The following SPTLC1 variants were observed in gnomAD, a reference collection of about 807,000 sequenced individuals.
SPTLC1 encodes the protein serine palmitoyltransferase long chain base subunit 1.
SPTLC1 carries 55 observed loss-of-function variants against 68.9 expected under a neutral mutation model. That is an observed-to-expected ratio of 0.80 (90% CI 0.64 to 1.00). The LOEUF (loss-of-function observed/expected upper bound fraction) is 1.00, where lower values mean the gene tolerates loss of function less well. Ranked by LOEUF, SPTLC1 falls within the 50% of genes least tolerant of loss-of-function variation. SPTLC1 has a pLI of 0.00. For synonymous variants in SPTLC1, 197 were observed against 201.6 expected (o/e 0.98, Z 0.19); for missense variants, 449 against 573.1 (o/e 0.78, Z 2.21).
chr9:92,113,950 AGTT>A (rs1287230403), intron 1 of SPTLC1, among the ~76,000 whole-genome samples: 1 of 152,186 alleles, frequency 6.6e-6, no homozygotes, highest in East Asian at 1.9e-4. Context: ...ACAGTCACTA[AGTT>A]ACACGTGGCT....
chr9:92,099,396 G>A lies in SPTLC1; in HGVS notation c.260+9344C>T, dbSNP rs531638910. 2.4e-4 allele frequency among the ~76,000 whole-genome samples: 37 copies of A among 152,106 alleles called. No individual in the cohort carries two copies. In the South Asian group the frequency reaches 7.1e-3, roughly 29 times the overall value. ...CTACAATTAATGGATATACAGTCGC[G>A]TGCCATTTAACATCTCAATTGACAA... On this transcript the variant is annotated intron_variant, in intron 3 of 14. Coordinates refer to ENST00000262554, the MANE Select transcript of SPTLC1 (RefSeq NM_006415.4).
intron 13 of SPTLC1, among the ~76,000 whole-genome samples, chr9:92,037,909 G>T (rs1161178564): frequency 2.0e-5 from 3 of 152,148 alleles, no homozygotes; most frequent in Non-Finnish European, 4.4e-5. Flanking sequence ...AGGAAAGCCT[G>T]GCTTTGTAAA....
intron 3 of SPTLC1, among the ~76,000 whole-genome samples, chr9:92,094,213 C>T (rs2895201): frequency 0.53 from 80,792 of 152,066 alleles, 24,683 homozygotes; most frequent in African/African-American, 0.85. Flanking sequence ...ATACCAAAGA[C>T]AAAGTTAACA....
chr9:92,047,228 G>C lies in SPTLC1; in HGVS notation c.1025C>G (p.Pro342Arg). 6.2e-7 allele frequency: 1 copy of C among 1,614,092 alleles called. No homozygotes were observed. The highest frequency in any genetic ancestry group is 8.5e-7 in the Non-Finnish European group (1 of 1,179,994). ...AATTGCTGCAGCAGCTAACAGGGGA[G>C]GTAACGAAGCTGAAAAGCAGTATCC... ...GQGYCFSASL[P>R]PLLAAAAIEA... The change falls in exon 11 of 15, where the codon CCT (proline) becomes CGT (arginine). Residue 342 changes from proline to arginine, a missense_variant. By Grantham distance (103) the Pro-to-Arg change is moderately radical (BLOSUM62 -2). This residue lies in a region of SPTLC1 where 391 missense variants were observed against 472.1 expected (regional missense o/e 0.83). Coordinates refer to ENST00000262554, the MANE Select transcript of SPTLC1 (RefSeq NM_006415.4).
At chr9:92,083,672 C>T (rs1388615488) in intron 3 of SPTLC1, among the ~76,000 whole-genome samples, 24 of 152,170 alleles carry the variant, frequency 1.6e-4, no homozygotes, top group African/African-American at 3.9e-4. Context: ...AGTCAGGTAG[C>T]ATGATGCCTC....
chr9:92,054,070 T>C, intron 8 of SPTLC1: 1 of 430,414 alleles, frequency 2.3e-6, no homozygotes. Context: ...TCACCTGAGG[T>C]TGGGAGTTCA....
chr9:92,059,696 G>T (rs138569795), intron 6 of SPTLC1, among the ~76,000 whole-genome samples: 94 of 152,262 alleles, frequency 6.2e-4, no homozygotes, highest in African/African-American at 2.1e-3. Flanking sequence ...TTTGCCCTGA[G>T]AAGTAATACT....
At chr9:92,085,940 T>C (rs1835106251) in intron 3 of SPTLC1, among the ~76,000 whole-genome samples, 1 of 152,028 alleles carries the variant, frequency 6.6e-6, no homozygotes, top group African/African-American at 2.4e-5. Flanking sequence ...ATTGGGTGCA[T>C]ATATATTTAG....
At chr9:92,039,094 CTGAGA>C (rs1211345876) in intron 12 of SPTLC1, among the ~76,000 whole-genome samples, 1 of 152,166 alleles carries the variant, frequency 6.6e-6, no homozygotes, top group Non-Finnish European at 1.5e-5. Context: ...TTGCAGTGAG[CTGAGA>C]TTGTGCCACT....
At chr9:92,081,743 GAA>G (rs1046884811) in intron 3 of SPTLC1, among the ~76,000 whole-genome samples, 1 of 152,152 alleles carries the variant, frequency 6.6e-6, no homozygotes, top group African/African-American at 2.4e-5. Context: ...AAATAGAACG[GAA>G]AAGAAAATAT....
In SPTLC1 at chr9:92,059,178, C is replaced by A; in HGVS notation, c.690+1G>T. The stretch of plus-strand genomic sequence containing the variant: ...TATAATTTTCTTCAAAAGAATCATA[C>A]CTTTTGATCTTCGATCTCTTGTTCT... On this transcript the variant is annotated splice_donor_variant, in intron 7 of 14. Coordinates refer to ENST00000262554, the MANE Select transcript of SPTLC1 (RefSeq NM_006415.4). LOFTEE classifies it high-confidence loss of function. The A allele has an allele frequency of 6.2e-7, 1 of 1,612,332 alleles. No individual in the cohort carries two copies. The highest frequency in any genetic ancestry group is 8.5e-7 in the Non-Finnish European group (1 of 1,179,540).
Position 92,112,591 on chromosome 9 carries a change from A to G in SPTLC1, c.58-29T>C, listed in dbSNP as rs762032572. 3 of 1,431,402 alleles carry G rather than the reference A, an allele frequency of 2.1e-6. No homozygotes were observed. The Admixed American group carries it at 5.0e-5, about 24-fold the overall frequency. 88.7% of individuals were successfully genotyped at this position (1,431,402 alleles called of 1,614,324 possible). A position where few individuals can be genotyped will look rare whatever the true frequency, so the allele number is the denominator to read the frequency against. On this transcript the variant is annotated intron_variant, in intron 1 of 14. Transcript: ENST00000262554. Reference sequence around the variant, plus strand: ...AGAGTGAGTCAAAAACAAGTAAGATATGAAACATACACTTCTAACACCTGC... The same window carrying G: ...AGAGTGAGTCAAAAACAAGTAAGATGTGAAACATACACTTCTAACACCTGC...
At chr9:92,081,291 A>C (rs1834875222) in intron 3 of SPTLC1, among the ~76,000 whole-genome samples, 1 of 152,258 alleles carries the variant, frequency 6.6e-6, no homozygotes, top group Non-Finnish European at 1.5e-5. Flanking sequence ...AAAGTATCTC[A>C]GAAAAATCTG....
intron 8 of SPTLC1, among the ~76,000 whole-genome samples, chr9:92,054,782 G>A (rs117475080): frequency 0.012 from 1,837 of 152,152 alleles, 17 homozygotes; most frequent in Non-Finnish European, 0.02. Flanking sequence ...GGGTGTCTGC[G>A]CACGCCTATA....
chr9:92,044,302 C>T (rs1202468323), intron 12 of SPTLC1, among the ~76,000 whole-genome samples: 2 of 152,108 alleles, frequency 1.3e-5, no homozygotes, highest in African/African-American at 2.4e-5. Flanking sequence ...CAGAGGAGAC[C>T]GAGATGGAGC....
intron 7 of SPTLC1, among the ~76,000 whole-genome samples, chr9:92,057,637 A>AC (rs1554708183): frequency 6.6e-6 from 1 of 152,228 alleles, no homozygotes; most frequent in Non-Finnish European, 1.5e-5. Flanking sequence ...ATATCCACTG[A>AC]CCATTATGGG....
At chr9:92,068,292 T>C (rs1445232334) in intron 5 of SPTLC1, among the ~76,000 whole-genome samples, 194 bp from the exon 6 acceptor site, 1 of 152,194 alleles carries the variant, frequency 6.6e-6, no homozygotes, top group Non-Finnish European at 1.5e-5. Context: ...CTAAAATACA[T>C]GAACTAAATC....
intron 3 of SPTLC1, among the ~76,000 whole-genome samples, chr9:92,084,332 G>T: frequency 1.3e-5 from 2 of 151,798 alleles, no homozygotes; most frequent in Non-Finnish European, 2.9e-5. Flanking sequence ...TTTTCAAAGG[G>T]AATGCTTCCA....
rs1057518260 is a variant in SPTLC1 at position 92,047,221 on chromosome 9, CAG to C, written c.1030_1031del (p.Leu344ValfsTer7). On this transcript the variant is annotated frameshift_variant, in exon 11 of 15. Coordinates refer to ENST00000262554, the MANE Select transcript of SPTLC1 (RefSeq NM_006415.4). LOFTEE classifies it high-confidence loss of function. Reference sequence around the variant, plus strand: ...GGGCCTCAATTGCTGCAGCAGCTAACAGGGGAGGTAACGAAGCTGAAAAGCAG... The same window carrying C: ...GGGCCTCAATTGCTGCAGCAGCTAACGGGAGGTAACGAAGCTGAAAAGCAG... ...GYCFSASLPP[L>X]LAAAAIEALN... The C allele has an allele frequency of 1.2e-6, 2 of 1,614,104 alleles. No homozygotes were observed. Among genetic ancestry groups the C allele is most frequent in the Non-Finnish European group, 1.7e-6 (2 of 1,179,978 alleles).
Sources: gnomAD v4.1 joint callset for allele counts (sites outside exome capture counted in the v4.1 genomes callset) on GRCh38, gnomAD v4.1.1 for gene constraint, gnomAD v4.1.1 regional missense constraint, MANE v1.5 for transcripts, NCBI Gene and HGNC (gene_info 2026-07-23, HGNC 2026-07-21) for gene names.